Variants in PCLO observed in about 807,000 individuals in gnomAD.
PCLO encodes the protein piccolo presynaptic cytomatrix protein, also known as protein piccolo.
PCLO carries 82 observed loss-of-function variants against 427.5 expected under a neutral mutation model. That is an observed-to-expected ratio of 0.19 (90% CI 0.16 to 0.23). The LOEUF (loss-of-function observed/expected upper bound fraction) is 0.23. Ranked by LOEUF, PCLO falls within the 10% of genes least tolerant of loss-of-function variation. PCLO has a pLI of 1.00. For synonymous variants in PCLO, 2,357 were observed against 2,155.4 expected (o/e 1.09, Z -2.59); for missense variants, 6,239 against 6,115.9 (o/e 1.02, Z -0.67).
At chr7:83,099,885 A>T (rs1790693855) in intron 3 of PCLO, among the ~76,000 whole-genome samples, 1 of 152,146 alleles carries the variant, frequency 6.6e-6, no homozygotes, top group African/African-American at 2.4e-5. Context: ...AAATCCTGGA[A>T]TTGTTAACAT....
chr7:83,162,512 G>T lies in PCLO; in HGVS notation c.81C>A (p.Ser27Arg), dbSNP rs1318737234. The change falls in exon 1 of 25, where the codon AGC (serine) becomes AGA (arginine). Residue 27 changes from serine (S) to arginine (R), a missense_variant. Ser to Arg is a moderately radical substitution (Grantham distance 110). Around this residue, in one of 5 missense-constraint regions of PCLO, gnomAD observed 4,677 missense variants for 4,468.4 expected, o/e 1.05. Coordinates refer to ENST00000333891, the MANE Select transcript of PCLO (RefSeq NM_033026.6). ...CGGTGTGAGAGGGGCTCCCCGCCCC[G>T]CTAGCTCCTCCTCCAGCCGCTGCGG... The part of the protein sequence containing the change: ...AAAAAAGGGA[S>R]GAGSPSHTAI... The T allele has an allele frequency of 6.4e-7, 1 of 1,562,020 alleles. No homozygotes were observed. The highest frequency in any genetic ancestry group is 8.7e-7 in the Non-Finnish European group (1 of 1,154,172).
intron 6 of PCLO, among the ~76,000 whole-genome samples, chr7:82,917,595 A>G (rs1289148949): frequency 6.6e-6 from 1 of 152,128 alleles, no homozygotes; most frequent in Non-Finnish European, 1.5e-5. Flanking sequence ...GGTCTTGAGA[A>G]TCATACAATT....
At chr7:82,980,913 A>G (rs1199885765) in intron 3 of PCLO, among the ~76,000 whole-genome samples, 1 of 152,180 alleles carries the variant, frequency 6.6e-6, no homozygotes, top group Admixed American at 6.6e-5. Context: ...CAATCCCAGG[A>G]GTTTCTATAA....
chr7:82,772,776 T>C (rs367645836), intron 22 of PCLO, among the ~76,000 whole-genome samples: 3 of 152,326 alleles, frequency 2.0e-5, no homozygotes. Context: ...TATGTGCTTC[T>C]TAGCATTTAT....
chr7:82,895,689 T>C (rs1016388580), intron 9 of PCLO, among the ~76,000 whole-genome samples: 1 of 151,944 alleles, frequency 6.6e-6, no homozygotes, highest in Non-Finnish European at 1.5e-5. Context: ...AATACATTTG[T>C]GACAATAGTT....
intron 16 of PCLO, among the ~76,000 whole-genome samples, chr7:82,834,753 G>C (rs552568770): frequency 3.6e-4 from 55 of 152,096 alleles, no homozygotes; most frequent in Non-Finnish European, 6.9e-4. Flanking sequence ...GATGCAACTT[G>C]TCATGAGCTG....
At chr7:82,844,035 T>G (rs1792436869) in intron 13 of PCLO, among the ~76,000 whole-genome samples, 1 of 152,216 alleles carries the variant, frequency 6.6e-6, no homozygotes, top group Admixed American at 6.6e-5. Flanking sequence ...TAATTAAAAA[T>G]AATTTAAAAT....
chr7:83,050,792 A>G (rs1395185440), intron 3 of PCLO, among the ~76,000 whole-genome samples: 1 of 151,754 alleles, frequency 6.6e-6, no homozygotes, highest in African/African-American at 2.4e-5. Flanking sequence ...ACATGTCTGC[A>G]ATCCCAGCTA....
chr7:83,015,694 T>C (rs1010186371), intron 3 of PCLO, among the ~76,000 whole-genome samples: 3 of 152,188 alleles, frequency 2.0e-5, no homozygotes, highest in African/African-American at 7.2e-5. Context: ...ATAAACCATT[T>C]TGAAGTAGCT....
At chr7:82,923,296 T>C (rs1221237043) in intron 6 of PCLO, among the ~76,000 whole-genome samples, 1 of 152,058 alleles carries the variant, frequency 6.6e-6, no homozygotes, top group Non-Finnish European at 1.5e-5. Flanking sequence ...TGGTTTCATT[T>C]TGGGCTAGTG....
intron 3 of PCLO, among the ~76,000 whole-genome samples, chr7:83,119,538 A>T (rs996119025): frequency 6.6e-6 from 1 of 152,176 alleles, no homozygotes; most frequent in Non-Finnish European, 1.5e-5. Context: ...TCCCTTTTGA[A>T]TACCTGGAAA....
intron 6 of PCLO, among the ~76,000 whole-genome samples, chr7:82,930,066 G>A (rs1794805437): frequency 6.6e-6 from 1 of 152,146 alleles, no homozygotes; most frequent in Non-Finnish European, 1.5e-5. Context: ...CTTCTGTCTG[G>A]ATCTTAGAGA....
intron 6 of PCLO, among the ~76,000 whole-genome samples, chr7:82,948,108 T>C (rs1043594280): frequency 6.6e-6 from 1 of 152,098 alleles, no homozygotes; most frequent in African/African-American, 2.4e-5. Flanking sequence ...CTACACATTA[T>C]ATAACTAACT....
intron 21 of PCLO, among the ~76,000 whole-genome samples, chr7:82,804,525 C>G (rs1447257477): frequency 2.0e-5 from 3 of 152,060 alleles, no homozygotes; most frequent in African/African-American, 7.2e-5. Flanking sequence ...ACAATCCACC[C>G]CCTGAAAAGT....
intron 22 of PCLO, among the ~76,000 whole-genome samples, chr7:82,762,814 C>A (rs775855159): frequency 6.6e-6 from 1 of 151,920 alleles, no homozygotes; most frequent in Non-Finnish European, 1.5e-5. Flanking sequence ...TTTCTTTCTT[C>A]TTCCTTCTGT....
intron 3 of PCLO, among the ~76,000 whole-genome samples, chr7:83,102,652 G>A (rs73707542): frequency 5.5e-4 from 83 of 151,910 alleles, no homozygotes; most frequent in African/African-American, 1.9e-3. Flanking sequence ...TAATGATAAT[G>A]TAAATTATCT....
intron 3 of PCLO, among the ~76,000 whole-genome samples, chr7:83,114,394 G>A (rs1351308911): frequency 6.6e-6 from 1 of 152,088 alleles, no homozygotes; most frequent in Non-Finnish European, 1.5e-5. Flanking sequence ...TGTGGGGGTA[G>A]TGAAGAGCAT....
In PCLO at chr7:82,952,178, T is replaced by TCC; in HGVS notation, c.8774_8775insGG (p.Asp2926GlufsTer8). 1 of 1,212,300 alleles carries TCC rather than the reference T, an allele frequency of 8.2e-7. No homozygotes were observed. The highest frequency in any genetic ancestry group is 1.2e-6 in the Non-Finnish European group (1 of 858,076). The allele number at this position is 1,212,300 out of a possible 1,614,324, so 75.1% of individuals were successfully genotyped here. On this transcript the variant is annotated frameshift_variant, in exon 5 of 25. Coordinates refer to ENST00000333891, the MANE Select transcript of PCLO (RefSeq NM_033026.6). LOFTEE classifies it high-confidence loss of function. ...CGGTTAAATCAACGGGTTTTTCATC[T>TCC]TCTATTATTTTGGTCATCACACTTG...
At chr7:83,023,589 C>A (rs1474457303) in intron 3 of PCLO, among the ~76,000 whole-genome samples, 1 of 152,130 alleles carries the variant, frequency 6.6e-6, no homozygotes, top group South Asian at 2.1e-4. Flanking sequence ...TCCCTAAATG[C>A]TTTAGCACAA....
Sources: allele counts gnomAD v4.1 joint callset (sites outside exome capture counted in the v4.1 genomes callset), GRCh38; gene constraint gnomAD v4.1.1; regional missense constraint gnomAD v4.1.1; transcripts MANE v1.5; gene names NCBI Gene and HGNC (gene_info 2026-07-23, HGNC 2026-07-21).